Variants in NXNL2 observed in about 807,000 individuals in gnomAD.
NXNL2 encodes the protein nucleoredoxin-like protein 2.
A neutral mutation model predicts 11.1 loss-of-function variants in NXNL2; 7 were observed. That is an observed-to-expected ratio of 0.63 (90% CI 0.36 to 1.18). The LOEUF is 1.18. NXNL2 is among the 50% of genes most tolerant of loss of function. The pLI is 0.02. For missense variants in NXNL2, 233 were observed against 217.7 expected, an observed-to-expected ratio of 1.07 and a Z score of -0.44; for synonymous variants, 109 against 101.8, an observed-to-expected ratio of 1.07 and a Z score of -0.42.
intron 1 of NXNL2, among the ~76,000 whole-genome samples, chr9:88,553,271 G>A (rs753815031): frequency 1.2e-4 from 18 of 152,194 alleles, no homozygotes; most frequent in African/African-American, 1.7e-4. Context: ...GATTGAACCC[G>A]GGAAGCGGAG....
Position 88,581,735 on chromosome 9 carries a change from C to T in NXNL2, n.552-2264C>T, listed in dbSNP as rs542030674. Among the ~76,000 whole-genome samples the T allele has an allele frequency of 3.8e-4, 58 of 152,294 alleles. No individual in the cohort carries two copies. The Middle Eastern group carries it at 0.027, about 71-fold the overall frequency. ...CCTCCCAAAGTGTTGGGATTACAGGCGTGAGCCACTGCACCCGGCTGCAAC... is the reference window on the plus strand; with the variant it reads ...CCTCCCAAAGTGTTGGGATTACAGGTGTGAGCCACTGCACCCGGCTGCAAC... On this transcript the variant is annotated intron_variant and non_coding_transcript_variant, in intron 1 of 1. Coordinates refer to the NXNL2 transcript ENST00000478686.
chr9:88,559,390 C>T (rs192367647), intron 1 of NXNL2, among the ~76,000 whole-genome samples: 6 of 152,300 alleles, frequency 3.9e-5, no homozygotes, highest in African/African-American at 7.2e-5. Context: ...GGCTGCAACA[C>T]GAGCTTGTCC....
At chr9:88,572,887 C>T (rs1343838744) in intron 2 of NXNL2, among the ~76,000 whole-genome samples, 2 of 152,208 alleles carry the variant, frequency 1.3e-5, no homozygotes, top group East Asian at 3.9e-4. Context: ...TGCCATAAGC[C>T]TCAGTCTGTG....
intron 1 of NXNL2, among the ~76,000 whole-genome samples, chr9:88,582,887 C>T (rs193161826): frequency 6.1e-4 from 93 of 152,252 alleles, no homozygotes; most frequent in African/African-American, 1.9e-3. Flanking sequence ...AGGCTGGTCT[C>T]GAACTCCTGA....
intron 1 of NXNL2, among the ~76,000 whole-genome samples, chr9:88,563,370 T>C (rs1464940870): frequency 1.3e-5 from 2 of 152,242 alleles, no homozygotes; most frequent in Non-Finnish European, 2.9e-5. Context: ...GTTCTTCTCC[T>C]GACTTCCCAT....
At chr9:88,536,517 A>AT (rs1829623584) in intron 1 of NXNL2, among the ~76,000 whole-genome samples, 1 of 152,152 alleles carries the variant, frequency 6.6e-6, no homozygotes, top group Non-Finnish European at 1.5e-5. Flanking sequence ...TTAGGTTTAA[A>AT]GCAGGCCTCG....
chr9:88,563,445 G>A (rs1374230598), intron 1 of NXNL2, among the ~76,000 whole-genome samples: 3 of 152,186 alleles, frequency 2.0e-5, no homozygotes, highest in Admixed American at 2.0e-4. Flanking sequence ...CACACCCGGT[G>A]CTTTAGGAGG....
intron 1 of NXNL2, among the ~76,000 whole-genome samples, chr9:88,537,454 GCTC>G (rs1034528295): frequency 2.0e-5 from 3 of 152,202 alleles, no homozygotes; most frequent in African/African-American, 7.2e-5. Flanking sequence ...TCAGCTGTGT[GCTC>G]CTATCTTCTC....
At chr9:88,564,934 A>T (rs1009886144) in intron 1 of NXNL2, among the ~76,000 whole-genome samples, 3 of 152,230 alleles carry the variant, frequency 2.0e-5, no homozygotes, top group African/African-American at 7.2e-5. Context: ...TGCCAACTAC[A>T]GGCACAATGT....
At position 88,556,680 on chromosome 9, in the gene NXNL2, T is replaced by C. The variant is rs548258833; in HGVS notation, c.303-14407T>C. 2.5e-3 allele frequency among the ~76,000 whole-genome samples: 378 copies of C among 152,256 alleles called. 2 individuals carry two copies. Among genetic ancestry groups the C allele is most frequent in the African/African-American group, 8.8e-3 (365 of 41,560 alleles). On this transcript the variant is annotated intron_variant, in intron 1 of 2. Transcript: ENST00000375855. ...CTGTCTATGGCTTGAAGATCAGGTT[T>C]CATTGGGGACCTGCCCCTGTCTGCC...
chr9:88,561,539 C>T (rs531512433), intron 1 of NXNL2, among the ~76,000 whole-genome samples: 1 of 152,020 alleles, frequency 6.6e-6, no homozygotes, highest in African/African-American at 2.4e-5. Flanking sequence ...AGAACCCTGA[C>T]TAATACATGG....
At chr9:88,582,651 C>CCTCT (rs1001875552) in intron 1 of NXNL2, among the ~76,000 whole-genome samples, 3 of 149,744 alleles carry the variant, frequency 2.0e-5, no homozygotes, top group Admixed American at 6.7e-5. Context: ...TCCCTCCCTC[C>CCTCT]CTCTCTCTCT....
chr9:88,554,776 C>T (rs1298479748), intron 1 of NXNL2, among the ~76,000 whole-genome samples: 1 of 152,192 alleles, frequency 6.6e-6, no homozygotes, highest in Admixed American at 6.5e-5. Flanking sequence ...TGAGGCTCCT[C>T]TTTTTCCGAC....
At chr9:88,579,767 A>G (rs1030085073), downstream of NXNL2, among the ~76,000 whole-genome samples, 20 of 152,160 alleles carry the variant, frequency 1.3e-4, no homozygotes, top group Admixed American at 1.1e-3. Flanking sequence ...TGGGTTATGC[A>G]GGGTGGCCCC....
At position 88,535,336 on chromosome 9, in the gene NXNL2, G is replaced by A. The variant is rs1829579842; in HGVS notation, c.-99G>A. Reference sequence around the variant, plus strand: ...TGAGAGGTCCAGCGCCCGGTGGTGCGGACAGAGGCGGGGCACCGCGGCGCT... The same window carrying A: ...TGAGAGGTCCAGCGCCCGGTGGTGCAGACAGAGGCGGGGCACCGCGGCGCT... On this transcript the variant is annotated 5_prime_UTR_variant, in exon 1 of 2. Transcript: ENST00000375854. 4.0e-6 allele frequency: 5 copies of A among 1,254,332 alleles called. No homozygotes were observed. Among genetic ancestry groups the A allele is most frequent in the Non-Finnish European group, 4.3e-6 (4 of 930,132 alleles). 77.7% of individuals were successfully genotyped at this position (1,254,332 alleles called of 1,614,324 possible).
In NXNL2 at chr9:88,568,995, T is replaced by C. The variant is rs144721183; in HGVS notation, c.303-2092T>C. Reference sequence around the variant, plus strand: ...AGGCTGGAGTACAGTGGCACAATCATGGCTCACTGCAGCCTCAACCTCTCA... The same window carrying C: ...AGGCTGGAGTACAGTGGCACAATCACGGCTCACTGCAGCCTCAACCTCTCA... On this transcript the variant is annotated intron_variant, in intron 1 of 2. Coordinates refer to the NXNL2 transcript ENST00000375855. Among the ~76,000 whole-genome samples, 461 of 152,236 alleles carry C rather than the reference T, an allele frequency of 3.0e-3. 7 individuals are homozygous for C. The highest frequency in any genetic ancestry group is 0.018 in the East Asian group (91 of 5,176).
chr9:88,581,526 C>T (rs1830408350), intron 1 of NXNL2, among the ~76,000 whole-genome samples: 1 of 152,046 alleles, frequency 6.6e-6, no homozygotes, highest in Non-Finnish European at 1.5e-5. Flanking sequence ...CAACCTCTGC[C>T]TCGTAGGTTC....
intron 2 of NXNL2, among the ~76,000 whole-genome samples, chr9:88,574,460 G>T (rs1351544222): frequency 6.6e-6 from 1 of 152,158 alleles, no homozygotes; most frequent in Non-Finnish European, 1.5e-5. Flanking sequence ...ACATTGGTTT[G>T]GTCCAGAAAG....
At chr9:88,546,634 C>T (rs1017439653), downstream of NXNL2, among the ~76,000 whole-genome samples, 5 of 151,910 alleles carry the variant, frequency 3.3e-5, no homozygotes, top group East Asian at 1.9e-4. Flanking sequence ...AGGCTGGTCT[C>T]GAACTCCTGA....
Sources: allele counts gnomAD v4.1 joint callset (sites outside exome capture counted in the v4.1 genomes callset), GRCh38; gene constraint gnomAD v4.1.1; transcripts MANE v1.5; gene names NCBI Gene and HGNC (gene_info 2026-07-23, HGNC 2026-07-21).